YWHAB: variants seen among roughly 807,000 people sequenced by gnomAD.
YWHAB encodes tyrosine 3-monooxygenase/tryptophan 5-monooxygenase activation protein beta, also known as 14-3-3 protein beta/alpha.
YWHAB carries 2 observed loss-of-function variants against 28.5 expected under a neutral mutation model. That is an observed-to-expected ratio of 0.07 (90% CI 0.03 to 0.22). The LOEUF (loss-of-function observed/expected upper bound fraction) is 0.22, where lower values mean the gene tolerates loss of function less well. Among genes scored for constraint, YWHAB ranks in the 10% least tolerant of loss-of-function variants. The pLI is 1.00. For missense variants in YWHAB, 148 were observed against 297.1 expected, an observed-to-expected ratio of 0.50 and a Z score of 3.69; for synonymous variants, 103 against 104.7, an observed-to-expected ratio of 0.98 and a Z score of 0.10.
chr20:44,889,436 T>C (rs1254367545), intron 1 of YWHAB, among the ~76,000 whole-genome samples: 1 of 152,210 alleles, frequency 6.6e-6, no homozygotes, highest in Non-Finnish European at 1.5e-5. Flanking sequence ...CCTCAAGTCA[T>C]TCCTAGCAGA....
chr20:44,893,781 C>G (rs1014889948), intron 1 of YWHAB, among the ~76,000 whole-genome samples: 7 of 146,342 alleles, frequency 4.8e-5, no homozygotes, highest in African/African-American at 1.8e-4. Context: ...TCACTGCAAC[C>G]TCCACCTCCT....
rs1482924904 is a variant in YWHAB at position 44,905,138 on chromosome 20, A to AAGAC, written c.588+8_588+11dup. 3 of 1,602,970 alleles carry AAGAC rather than the reference A, an allele frequency of 1.9e-6. No individual in the cohort carries two copies. Among genetic ancestry groups the AAGAC allele is most frequent in the Non-Finnish European group, 2.6e-6 (3 of 1,176,138 alleles). On this transcript the variant is annotated splice_region_variant and intron_variant, in intron 4 of 5. Transcript: ENST00000353703. ...CTGTAGCCTGGCAAAAACGGTGAGA[A>AAGAC]AGACCCTTTGTGATATCTAACCATA...
chr20:44,889,857 G>A (rs2066550204), intron 1 of YWHAB, among the ~76,000 whole-genome samples: 1 of 152,078 alleles, frequency 6.6e-6, no homozygotes, highest in Non-Finnish European at 1.5e-5. Context: ...AGTGAGCATT[G>A]GAGTTCATAA....
chr20:44,887,023 C>T (rs2066532236), intron 1 of YWHAB: 1 of 152,208 alleles, frequency 6.6e-6, no homozygotes, highest in Non-Finnish European at 1.5e-5. Flanking sequence ...ATTTCTCATT[C>T]TGTCAGTTCA....
At position 44,906,573 on chromosome 20, in the gene YWHAB, A is replaced by G. The variant is rs1289139262; in HGVS notation, c.*135A>G. 1 of 719,884 alleles carries G rather than the reference A, an allele frequency of 1.4e-6. No individual in the cohort carries two copies. Among genetic ancestry groups the G allele is most frequent in the Non-Finnish European group, 2.1e-6 (1 of 474,542 alleles). The allele number at this position is 719,884 out of a possible 1,614,324, so 44.6% of individuals were successfully genotyped here. A position where few individuals can be genotyped will look rare whatever the true frequency, so the allele number is the denominator to read the frequency against. ...CGATTTTTCACAGCCTCAGCCTAGG[A>G]AAAATGGTTCATGGGATAAACAGCT... On this transcript the variant is annotated 3_prime_UTR_variant, in exon 6 of 6. Coordinates refer to ENST00000353703, the MANE Select transcript of YWHAB (RefSeq NM_139323.4).
intron 1 of YWHAB, among the ~76,000 whole-genome samples, chr20:44,895,359 T>G (rs1167685303): frequency 6.6e-6 from 1 of 152,192 alleles, no homozygotes; most frequent in East Asian, 1.9e-4. Flanking sequence ...AGGAGACAAT[T>G]TATCAGGAAT....
At position 44,901,741 on chromosome 20, in the gene YWHAB, A is replaced by C. The variant is rs761980766; in HGVS notation, c.208A>C (p.Lys70Gln). The C allele has an allele frequency of 6.2e-7, 1 of 1,614,020 alleles. No individual in the cohort carries two copies. The highest frequency in any genetic ancestry group is 1.3e-5 in the African/African-American group (1 of 74,936). ...SWRVISSIEQ[K>Q]TERNEKKQQM... is the part of the protein sequence containing the mutation. The stretch of plus-strand genomic sequence containing the variant: ...GCGTGTCATCTCCAGCATTGAGCAG[A>C]AAACAGAGAGGAATGAGAAGAAGCA... Residue 70 changes from lysine (K) to glutamine (Q), a missense_variant, in exon 2 of 6, where the codon AAA becomes CAA. By Grantham distance (53) the Lys-to-Gln change is moderately conservative. This residue lies in a region of YWHAB where 110 missense variants were observed against 177.9 expected (regional missense o/e 0.62). Transcript: ENST00000353703.
intron 1 of YWHAB, among the ~76,000 whole-genome samples, chr20:44,898,758 G>A (rs951056098): frequency 1.1e-4 from 16 of 151,308 alleles, no homozygotes; most frequent in African/African-American, 3.6e-4. Flanking sequence ...CACCTGCCTC[G>A]GCCTCCCAAA....
Position 44,906,647 on chromosome 20 carries a change from C to G in YWHAB, c.*209C>G. 1 of 378,834 alleles carries G rather than the reference C, an allele frequency of 2.6e-6. No individual in the cohort carries two copies. The highest frequency in any genetic ancestry group is 4.8e-6 in the Non-Finnish European group (1 of 206,250). The allele number at this position is 378,834 out of a possible 1,614,324, so 23.5% of individuals were successfully genotyped here. ...TTGGTCACATAAATGCCACGGCATTCCGAAGTTTTGATTTTGATTAACATT... is the reference window on the plus strand; with the variant it reads ...TTGGTCACATAAATGCCACGGCATTGCGAAGTTTTGATTTTGATTAACATT... On this transcript the variant is annotated 3_prime_UTR_variant, in exon 6 of 6. Coordinates refer to ENST00000353703, the MANE Select transcript of YWHAB (RefSeq NM_139323.4).
chr20:44,887,018 T>G (rs545191753), intron 1 of YWHAB: 1 of 152,360 alleles, frequency 6.6e-6, no homozygotes, highest in East Asian at 1.9e-4. Context: ...TCTGCATTTC[T>G]CATTCTGTCA....
intron 1 of YWHAB, 31 bp from the exon 2 acceptor site, chr20:44,901,500 G>C (rs765628490): frequency 2.3e-5 from 35 of 1,549,344 alleles, no homozygotes; most frequent in Non-Finnish European, 3.1e-5. Context: ...CCTGACATTT[G>C]CTCTTTCTTT....
chr20:44,895,440 A>T (rs2066590146), intron 1 of YWHAB, among the ~76,000 whole-genome samples: 1 of 152,180 alleles, frequency 6.6e-6, no homozygotes, highest in African/African-American at 2.4e-5. Context: ...CTGAGTAAGG[A>T]CAAAGGCAAG....
intron 2 of YWHAB, 21 bp from the exon 3 acceptor site, chr20:44,903,971 CT>C (rs1473230826): frequency 6.3e-7 from 1 of 1,591,614 alleles, no homozygotes; most frequent in South Asian, 1.2e-5. Context: ...ATTCTAAATT[CT>C]TAACAATGTT....
At chr20:44,886,904 GC>G (rs1467741302) in intron 1 of YWHAB, 2 of 152,234 alleles carry the variant, frequency 1.3e-5, no homozygotes, top group African/African-American at 4.8e-5. Flanking sequence ...GATTTTGCTT[GC>G]CCTGTGTGGG....
In YWHAB at chr20:44,893,551, A is replaced by G. The variant is rs183709371; in HGVS notation, c.-4+7665A>G. Among the ~76,000 whole-genome samples the G allele has an allele frequency of 2.7e-4, 41 of 152,176 alleles. 1 individual carries two copies. The East Asian group carries it at 7.9e-3, about 29-fold the overall frequency. ...TTCTGTTCGGGTTTGTTTGTTCTTT[A>G]GGGGATATTTTACAGAAATAAAATA... On this transcript the variant is annotated intron_variant, in intron 1 of 5. Transcript: ENST00000353703.
intron 1 of YWHAB, among the ~76,000 whole-genome samples, chr20:44,897,178 G>A (rs879935885): frequency 2.0e-5 from 3 of 152,196 alleles, no homozygotes; most frequent in Admixed American, 1.3e-4. Context: ...TCCTTGAGAA[G>A]GAGAGAAGTA....
chr20:44,897,014 A>G (rs1052550737), intron 1 of YWHAB, among the ~76,000 whole-genome samples: 9 of 152,188 alleles, frequency 5.9e-5, no homozygotes, highest in African/African-American at 1.9e-4. Context: ...ATGGTTCTCA[A>G]TCTCTAAGAA....
Position 44,885,754 on chromosome 20 carries a change from T to TCGC in YWHAB, c.-120_-118dup, listed in dbSNP as rs35664412. 0.33 allele frequency: 58,979 copies of TCGC among 178,110 alleles called. 10,622 individuals are homozygous for TCGC. The highest frequency in any genetic ancestry group is 0.49 in the African/African-American group (20,152 of 41,526). The allele number at this position is 178,110 out of a possible 1,614,324, so 11.0% of individuals were successfully genotyped here. On this transcript the variant is annotated 5_prime_UTR_variant, in exon 1 of 6. Transcript: ENST00000353703. ...GCCGCCGATTCCGGAGCCGGGGTAGTCGCCGCCGCCGCCGCCGCTGCAGCC... is the reference window on the plus strand; with the variant it reads ...GCCGCCGATTCCGGAGCCGGGGTAGTCGCCGCCGCCGCCGCCGCCGCTGCAGCC...
chr20:44,906,311 A>G, intron 5 of YWHAB, 71 bp from the exon 6 acceptor site: 1 of 1,482,444 alleles, frequency 6.7e-7, no homozygotes, highest in East Asian at 2.3e-5. Context: ...AGATAAGATT[A>G]TACATACTGG....
Sources: gnomAD v4.1 joint callset for allele counts (sites outside exome capture counted in the v4.1 genomes callset) on GRCh38, gnomAD v4.1.1 for gene constraint, gnomAD v4.1.1 regional missense constraint, MANE v1.5 for transcripts, NCBI Gene and HGNC (gene_info 2026-07-23, HGNC 2026-07-21) for gene names.